The following TPRG1 variants were observed in gnomAD, a reference collection of about 807,000 sequenced individuals.
TPRG1 encodes the protein tumor protein p63 regulated 1.
TPRG1 carries 29 observed loss-of-function variants against 29.3 expected under a neutral mutation model. The ratio of observed to expected loss-of-function variants is 0.99; its 90% CI spans 0.74 to 1.35. The LOEUF (loss-of-function observed/expected upper bound fraction) is 1.35, where lower values mean the gene tolerates loss of function less well. Among genes scored for constraint, TPRG1 ranks in the 40% most tolerant of loss-of-function variants. The pLI, the probability that TPRG1 is intolerant of heterozygous loss-of-function variation, is 0.00. For synonymous variants in TPRG1, 130 were observed against 116.8 expected (o/e 1.11, Z -0.73); for missense variants, 327 against 335.0 (o/e 0.98, Z 0.19).
chr3:189,177,149 T>C (rs948166316), intron 1 of TPRG1, among the ~76,000 whole-genome samples: 2 of 152,104 alleles, frequency 1.3e-5, no homozygotes, highest in African/African-American at 4.8e-5. Flanking sequence ...GTGGCTGATA[T>C]ATAGAATGAG....
At chr3:189,040,464 G>A (rs1472609246) in intron 4 of TPRG1, among the ~76,000 whole-genome samples, 1 of 152,032 alleles carries the variant, frequency 6.6e-6, no homozygotes, top group Non-Finnish European at 1.5e-5. Flanking sequence ...ATGGTGCCAA[G>A]AGAGTTATAC....
chr3:189,272,281 T>C (rs1005509623), intron 4 of TPRG1, among the ~76,000 whole-genome samples: 2 of 152,216 alleles, frequency 1.3e-5, no homozygotes, highest in African/African-American at 4.8e-5. Flanking sequence ...TATAGTGGGC[T>C]TCACAGCATT....
intron 1 of TPRG1, among the ~76,000 whole-genome samples, chr3:188,997,868 C>T (rs116187619): frequency 0.022 from 3,286 of 152,234 alleles, 74 homozygotes; most frequent in Non-Finnish European, 0.029. Flanking sequence ...TCTCCCAAGA[C>T]CCTGATTTCT....
intron 4 of TPRG1, among the ~76,000 whole-genome samples, chr3:189,091,321 C>G (rs994607526): frequency 2.0e-5 from 3 of 152,084 alleles, no homozygotes. Flanking sequence ...ATTGAAATAT[C>G]ATTTGTATAT....
chr3:189,141,562 TG>T (rs1379119107), intron 3 of TPRG1, among the ~76,000 whole-genome samples: 4 of 151,978 alleles, frequency 2.6e-5, no homozygotes, highest in Admixed American at 2.6e-4. Context: ...AATCCAGGGA[TG>T]GGGATAGATA....
chr3:189,289,840 T>C (rs898382166), intron 4 of TPRG1, among the ~76,000 whole-genome samples: 4 of 152,196 alleles, frequency 2.6e-5, no homozygotes, highest in Non-Finnish European at 5.9e-5. Flanking sequence ...CTACTTATGC[T>C]TTATAAATGG....
upstream of TPRG1, chr3:189,171,950 G>A (rs890378756): frequency 6.6e-6 from 1 of 152,152 alleles, no homozygotes; most frequent in African/African-American, 2.4e-5. Context: ...ACTATTTGAG[G>A]GTGGCAGTGT....
chr3:189,294,046 A>G (rs1446944905), intron 4 of TPRG1, among the ~76,000 whole-genome samples: 2 of 152,234 alleles, frequency 1.3e-5, no homozygotes, highest in Non-Finnish European at 2.9e-5. Context: ...CTACACTGGA[A>G]CATTCAACAC....
chr3:189,252,164 C>A (rs941360278), intron 4 of TPRG1, among the ~76,000 whole-genome samples: 7 of 152,246 alleles, frequency 4.6e-5, no homozygotes, highest in African/African-American at 1.7e-4. Context: ...TCCATTTAAC[C>A]CTGAGTGGAC....
At chr3:189,256,512 C>T (rs555968141) in intron 4 of TPRG1, among the ~76,000 whole-genome samples, 7 of 152,066 alleles carry the variant, frequency 4.6e-5, no homozygotes, top group Admixed American at 2.0e-4. Context: ...CTGTAGATGT[C>T]TATTAGGTCT....
At chr3:189,256,101 T>G (rs1412801924) in intron 4 of TPRG1, among the ~76,000 whole-genome samples, 2 of 152,208 alleles carry the variant, frequency 1.3e-5, no homozygotes. Context: ...TTAATTGTGA[T>G]GTTAGGGTGT....
rs151103699 is a variant in TPRG1, at chr3:189,293,227, T to A, written c.480-17159T>A. On this transcript the variant is annotated intron_variant, in intron 4 of 5. Coordinates refer to ENST00000345063, the MANE Select transcript of TPRG1 (RefSeq NM_198485.4). ...TGTGGAGGCTCCTCTGGCAGTGTCC[T>A]TAGCTTGGCTCCCAATTTCAACATT... Among the ~76,000 whole-genome samples the A allele has an allele frequency of 2.4e-3, 372 of 152,324 alleles. 1 individual carries two copies. Among genetic ancestry groups the A allele is most frequent in the African/African-American group, 8.7e-3 (362 of 41,568 alleles).
At chr3:189,074,046 A>G (rs1004007465) in intron 4 of TPRG1, among the ~76,000 whole-genome samples, 1 of 152,126 alleles carries the variant, frequency 6.6e-6, no homozygotes, top group African/African-American at 2.4e-5. Context: ...GCCATCAAAT[A>G]ACGGTTGTTA....
intron 1 of TPRG1, among the ~76,000 whole-genome samples, chr3:188,999,651 G>T (rs1314934421): frequency 1.3e-5 from 2 of 152,012 alleles, no homozygotes; most frequent in Non-Finnish European, 2.9e-5. Flanking sequence ...CACATGAAAA[G>T]TACTTAGGAA....
At chr3:189,286,610 A>C (rs1425461904) in intron 4 of TPRG1, among the ~76,000 whole-genome samples, 1 of 152,164 alleles carries the variant, frequency 6.6e-6, no homozygotes, top group Non-Finnish European at 1.5e-5. Flanking sequence ...GATACTAGTC[A>C]GGATTTGAGA....
chr3:189,107,110 G>T (rs1364783905), intron 1 of TPRG1, among the ~76,000 whole-genome samples: 1 of 151,796 alleles, frequency 6.6e-6, no homozygotes, highest in East Asian at 1.9e-4. Flanking sequence ...GCTGTTTTAG[G>T]TTCACAGCAA....
intron 4 of TPRG1, among the ~76,000 whole-genome samples, chr3:189,057,597 C>A (rs1466360486): frequency 8.0e-5 from 12 of 150,450 alleles, no homozygotes. Flanking sequence ...ACTGCTCTCC[C>A]AGGAGAGAAG....
intron 3 of TPRG1, chr3:189,219,533 A>AT: frequency 1.7e-6 from 2 of 1,178,942 alleles, no homozygotes; most frequent in Non-Finnish European, 2.2e-6. Flanking sequence ...AAAAAAAAAA[A>AT]GATTATTTTA....
chr3:189,047,136 A>G (rs567026694), intron 4 of TPRG1, among the ~76,000 whole-genome samples: 1 of 152,328 alleles, frequency 6.6e-6, no homozygotes, highest in South Asian at 2.1e-4. Context: ...GAGATATATC[A>G]TATATATTAC....
Sources: allele counts gnomAD v4.1 joint callset (sites outside exome capture counted in the v4.1 genomes callset), GRCh38; gene constraint gnomAD v4.1.1; transcripts MANE v1.5; gene names NCBI Gene and HGNC (gene_info 2026-07-23, HGNC 2026-07-21).